USO1: variants seen among roughly 807,000 people sequenced by gnomAD.
USO1 encodes USO1 vesicle transport factor, also known as general vesicular transport factor p115.
A neutral mutation model predicts 124.5 loss-of-function variants in USO1; 57 were observed. That is an observed-to-expected ratio of 0.46 (90% CI 0.37 to 0.57). USO1 has a LOEUF of 0.57. Among genes scored for constraint, USO1 ranks in the 20% least tolerant of loss-of-function variants. USO1 has a pLI of 0.00. For missense variants in USO1, 900 were observed against 1,040.6 expected (o/e 0.86, Z 1.86); for synonymous variants, 369 against 362.8 (o/e 1.02, Z -0.19).
chr4:75,812,116 G>C, intron 22 of USO1, 44 bp from the exon 23 acceptor site: 2 of 1,554,518 alleles, frequency 1.3e-6, no homozygotes, highest in Non-Finnish European at 1.7e-6. Context: ...CTAGGAAAGT[G>C]AGTGCTAATT....
chr4:75,740,127 A>G (rs960905883), intron 1 of USO1, among the ~76,000 whole-genome samples: 21 of 152,314 alleles, frequency 1.4e-4, no homozygotes, highest in African/African-American at 5.1e-4. Context: ...TGAGCTCATT[A>G]GTTCAAGATC....
chr4:75,799,611 A>G lies in USO1; in HGVS notation c.1453-11A>G, dbSNP rs779422422. 3.7e-6 allele frequency: 6 copies of G among 1,611,484 alleles called. No individual in the cohort carries two copies. Among genetic ancestry groups the G allele is most frequent in the South Asian group, 2.2e-5 (2 of 90,580 alleles). On this transcript the variant is annotated splice_polypyrimidine_tract_variant and intron_variant, in intron 13 of 23. Transcript: ENST00000514213. ...TGAATGGAAAGATTTCTACCAATTT[A>G]TCTGTTGCAGGGAAGCAAAATACAA...
Position 75,741,661 on chromosome 4 carries a change from A to G in USO1, c.67-10712A>G, listed in dbSNP as rs181441835. On this transcript the variant is annotated intron_variant, in intron 1 of 23. Transcript: ENST00000514213. The stretch of plus-strand genomic sequence containing the variant: ...GCTCTGTCAGCCAGGCTGAAGTGCA[A>G]TGGCGCAATATCGGCTCACTGCAAC... Among the ~76,000 whole-genome samples, 36 of 131,298 alleles carry G rather than the reference A, an allele frequency of 2.7e-4. No individual in the cohort carries two copies. In the South Asian group the frequency reaches 5.5e-3, roughly 20 times the overall value. 86.1% of individuals were successfully genotyped at this position (131,298 alleles called of 152,430 possible).
At chr4:75,797,529 T>C (rs1722722058) in intron 13 of USO1, among the ~76,000 whole-genome samples, 1 of 146,664 alleles carries the variant, frequency 6.8e-6, no homozygotes, top group South Asian at 2.2e-4. Flanking sequence ...TTTCATATGA[T>C]CTTCAGAATC....
chr4:75,751,571 C>G lies in USO1; in HGVS notation c.67-802C>G, dbSNP rs1038091727. 1.2e-3 allele frequency among the ~76,000 whole-genome samples: 180 copies of G among 149,168 alleles called. 1 individual carries two copies. Among genetic ancestry groups the G allele is most frequent in the Middle Eastern group, 0.01 (3 of 288 alleles). ...TTTGGCCGGGCGCAGTGGCTCATGC[C>G]TGTAATCCCAGCACTTTGGGAGGCC... On this transcript the variant is annotated intron_variant, in intron 1 of 23. Transcript: ENST00000514213.
At chr4:75,771,825 A>G (rs324714) in intron 7 of USO1, among the ~76,000 whole-genome samples, 54,152 of 152,110 alleles carry the variant, frequency 0.36, 11,931 homozygotes, top group African/African-American at 0.63. Context: ...ATTTTTCTCT[A>G]TTGTTACCTA....
intron 1 of USO1, among the ~76,000 whole-genome samples, chr4:75,739,538 CTTTTTTTTTTT>C (rs753369609): frequency 2.8e-5 from 3 of 105,420 alleles, no homozygotes; most frequent in Non-Finnish European, 5.5e-5. Flanking sequence ...TTATCTTTTT[CTTTTTTTTTTT>C]TTTTTTTTTG....
At chr4:75,798,667 A>G (rs905085158) in intron 13 of USO1, among the ~76,000 whole-genome samples, 2 of 152,220 alleles carry the variant, frequency 1.3e-5, no homozygotes, top group African/African-American at 2.4e-5. Context: ...GTGAAATTAG[A>G]ATAGTCTGGG....
chr4:75,760,148 G>GTTGCAGTGAGCGGAGA (rs1191293277), intron 4 of USO1, among the ~76,000 whole-genome samples: 1 of 152,074 alleles, frequency 6.6e-6, no homozygotes, highest in Non-Finnish European at 1.5e-5. Context: ...GGAGGCGGAG[G>GTTGCAGTGAGCGGAGA]TTGCAGTGAG....
intron 20 of USO1, among the ~76,000 whole-genome samples, chr4:75,807,854 C>T (rs1223420247): frequency 6.6e-6 from 1 of 151,810 alleles, no homozygotes; most frequent in African/African-American, 2.4e-5. Flanking sequence ...TTACTTTCTC[C>T]AGTTTATTTA....
At chr4:75,757,653 G>T in intron 4 of USO1, 80 bp downstream of exon 4, 1 of 1,264,274 alleles carries the variant, frequency 7.9e-7, no homozygotes, top group Non-Finnish European at 1.0e-6. Context: ...TTTTAAAGTT[G>T]GACTTGTTTT....
At chr4:75,731,725 CAT>C (rs1295746579) in intron 1 of USO1, among the ~76,000 whole-genome samples, 8 of 152,086 alleles carry the variant, frequency 5.3e-5, no homozygotes, top group Non-Finnish European at 8.8e-5. Flanking sequence ...AAGATTATAT[CAT>C]AAAATTAAAT....
At chr4:75,779,993 CAT>C (rs1388941561) in intron 8 of USO1, among the ~76,000 whole-genome samples, 4 of 152,138 alleles carry the variant, frequency 2.6e-5, no homozygotes, top group Non-Finnish European at 5.9e-5. Context: ...GCTCACTTAC[CAT>C]TCTGAAAATC....
rs548859453 is a variant in USO1 at position 75,813,067 on chromosome 4, C to T, written c.2800-139C>T. ...GGCAGAGGTTGCAGTGAGCCGAGAT[C>T]GCACCATTGCACTCCAGCCTGGGTA... On this transcript the variant is annotated intron_variant, in intron 23 of 23. Transcript: ENST00000514213. 2.8e-5 allele frequency: 22 copies of T among 798,702 alleles called. No homozygotes were observed. The African/African-American group carries it at 3.1e-4, about 11-fold the overall frequency. 49.5% of individuals were successfully genotyped at this position (798,702 alleles called of 1,614,324 possible). A position where few individuals can be genotyped will look rare whatever the true frequency, so the allele number is the denominator to read the frequency against.
intron 4 of USO1, among the ~76,000 whole-genome samples, chr4:75,759,929 A>T (rs1721556049): frequency 6.7e-6 from 1 of 148,864 alleles, no homozygotes; most frequent in South Asian, 2.1e-4. Context: ...AAAAAAAAAT[A>T]GACCAGACAT....
At chr4:75,739,712 A>G (rs1258904548) in intron 1 of USO1, among the ~76,000 whole-genome samples, 5 of 151,036 alleles carry the variant, frequency 3.3e-5, no homozygotes, top group Non-Finnish European at 5.9e-5. Flanking sequence ...ACACTCAGCT[A>G]GTTTTTGTAT....
chr4:75,767,136 C>T (rs1430749347), intron 4 of USO1, among the ~76,000 whole-genome samples: 1 of 152,160 alleles, frequency 6.6e-6, no homozygotes, highest in African/African-American at 2.4e-5. Context: ...ATCTCCCCAA[C>T]CTCTTAATAT....
chr4:75,762,664 C>T (rs1158218433), intron 4 of USO1, among the ~76,000 whole-genome samples: 1 of 152,078 alleles, frequency 6.6e-6, no homozygotes, highest in Non-Finnish European at 1.5e-5. Flanking sequence ...TACGGTGGCT[C>T]ACGCCTGTAA....
intron 10 of USO1, 59 bp downstream of exon 10, chr4:75,787,261 G>T: frequency 7.3e-7 from 1 of 1,376,054 alleles, no homozygotes. Flanking sequence ...ATCCTAGGAA[G>T]AATTAGATAT....
Sources: allele counts gnomAD v4.1 joint callset (sites outside exome capture counted in the v4.1 genomes callset), GRCh38; gene constraint gnomAD v4.1.1; transcripts MANE v1.5; gene names NCBI Gene and HGNC (gene_info 2026-07-23, HGNC 2026-07-21).